The following SLC22A23 variants were observed in gnomAD, a reference collection of about 807,000 sequenced individuals.
SLC22A23 encodes ion transporter protein.
Under a neutral mutation model 61.0 loss-of-function variants are expected in SLC22A23, and 26 were observed. That is an observed-to-expected ratio of 0.43 (90% CI 0.31 to 0.59). The LOEUF is 0.59. Among genes scored for constraint, SLC22A23 ranks in the 20% least tolerant of loss-of-function variants. The probability of loss-of-function intolerance (pLI) is 0.11; values close to 1 mark genes in which losing one functional copy is unlikely to be tolerated. For missense variants in SLC22A23, 796 were observed against 934.7 expected (o/e 0.85, Z 1.94); for synonymous variants, 430 against 413.9 (o/e 1.04, Z -0.47).
Position 3,286,803 on chromosome 6 carries a change from T to G in SLC22A23, c.1546+56A>C. The G allele has an allele frequency of 6.9e-7, 1 of 1,447,890 alleles. No individual in the cohort carries two copies. Among genetic ancestry groups the G allele is most frequent in the Non-Finnish European group, 9.5e-7 (1 of 1,054,896 alleles). 89.7% of individuals were successfully genotyped at this position (1,447,890 alleles called of 1,614,324 possible). On this transcript the variant is annotated intron_variant, in intron 7 of 9. Coordinates refer to ENST00000406686, the MANE Select transcript of SLC22A23 (RefSeq NM_015482.2). The surrounding 1 kb of genome is among the most constrained non-coding windows in gnomAD (Gnocchi z 4.2). ...TCTTATGCAGCCCTTTCAAATGCCC[T>G]TGGGGATCTGCCAGCTTCCCTCCCT...
intron 1 of SLC22A23, among the ~76,000 whole-genome samples, chr6:3,437,544 T>C (rs1237053576): frequency 1.3e-5 from 2 of 150,532 alleles, no homozygotes; most frequent in Non-Finnish European, 3.0e-5. Flanking sequence ...AAAAAATTAG[T>C]CAGGTGTGGT....
In SLC22A23 at chr6:3,318,906, A is replaced by C. The variant is rs751379989; in HGVS notation, c.1082+4928T>G. Among the ~76,000 whole-genome samples the C allele has an allele frequency of 2.6e-5, 4 of 151,978 alleles. No individual in the cohort carries two copies. Among genetic ancestry groups the C allele is most frequent in the Non-Finnish European group, 4.4e-5 (3 of 67,988 alleles). ...CTCTCACCTTTGAGAGTCACCTCAGATCCATCAGCAAGTCTCACCAGGGCC... is the reference window on the plus strand; with the variant it reads ...CTCTCACCTTTGAGAGTCACCTCAGCTCCATCAGCAAGTCTCACCAGGGCC... On this transcript the variant is annotated intron_variant, in intron 4 of 9. Transcript: ENST00000406686. The surrounding 1 kb of genome is among the most constrained non-coding windows in gnomAD (Gnocchi z 4.3).
At chr6:3,441,888 C>T (rs537596569) in intron 1 of SLC22A23, among the ~76,000 whole-genome samples, 141 of 152,282 alleles carry the variant, frequency 9.3e-4, no homozygotes, top group Non-Finnish European at 9.0e-4. Context: ...AGGGACACCA[C>T]GCAAGCAGCT....
In SLC22A23 at chr6:3,272,902, G is replaced by A. The variant is rs1758565619; in HGVS notation, c.*153C>T. On this transcript the variant is annotated 3_prime_UTR_variant, in exon 10 of 10. Coordinates refer to ENST00000406686, the MANE Select transcript of SLC22A23 (RefSeq NM_015482.2). ...TGTCTCCTCCGACCCGCGCTCCTTG[G>A]ACTTTTGGAAAGACAGGATTTCCCC... The A allele has an allele frequency of 2.9e-6, 2 of 680,522 alleles. No homozygotes were observed. The highest frequency in any genetic ancestry group is 2.4e-6 in the Non-Finnish European group (1 of 413,178). The allele number at this position is 680,522 out of a possible 1,614,324, so 42.2% of individuals were successfully genotyped here. A position where few individuals can be genotyped will look rare whatever the true frequency, so the allele number is the denominator to read the frequency against.
intron 4 of SLC22A23, among the ~76,000 whole-genome samples, chr6:3,307,164 C>T (rs1335616404): frequency 6.6e-6 from 1 of 152,204 alleles, no homozygotes; most frequent in African/African-American, 2.4e-5. Flanking sequence ...TACTGACAAG[C>T]TGAGGGTAGG....
chr6:3,384,822 T>G (rs1217865601), intron 3 of SLC22A23, among the ~76,000 whole-genome samples: 1 of 152,138 alleles, frequency 6.6e-6, no homozygotes, highest in Non-Finnish European at 1.5e-5. Context: ...GTATTCACAA[T>G]AGCGAGAATG....
intron 3 of SLC22A23, among the ~76,000 whole-genome samples, chr6:3,345,936 C>T (rs1483953236): frequency 6.6e-6 from 1 of 152,148 alleles, no homozygotes; most frequent in African/African-American, 2.4e-5. Context: ...TGGTGTCTCC[C>T]GTTCTCCGAG....
At chr6:3,294,302 A>G (rs1021929792) in intron 5 of SLC22A23, among the ~76,000 whole-genome samples, 6 of 152,226 alleles carry the variant, frequency 3.9e-5, no homozygotes, top group African/African-American at 1.4e-4. Context: ...ATTGAGTTAC[A>G]TTACTACCAT....
chr6:3,392,406 T>C (rs1008309838), intron 3 of SLC22A23, among the ~76,000 whole-genome samples: 1 of 152,206 alleles, frequency 6.6e-6, no homozygotes, highest in Non-Finnish European at 1.5e-5. Flanking sequence ...CTTTCAGAAA[T>C]GAAGCTATTG....
chr6:3,430,209 C>T (rs923966007), intron 1 of SLC22A23, among the ~76,000 whole-genome samples: 3 of 152,286 alleles, frequency 2.0e-5, no homozygotes, highest in East Asian at 1.9e-4. Flanking sequence ...AGGTTATATT[C>T]GCGAGAAAAT....
rs74548854 is a variant in SLC22A23 at position 3,434,159 on chromosome 6, C to T, written c.655-18304G>A. On this transcript the variant is annotated intron_variant, in intron 1 of 9. Coordinates refer to ENST00000406686, the MANE Select transcript of SLC22A23 (RefSeq NM_015482.2). ...TGAAACCCCATCTCTACTAAAAATA[C>T]AAAATTAGCCAGGTGTGGTGGTGCA... 2.6e-5 allele frequency among the ~76,000 whole-genome samples: 4 copies of T among 151,930 alleles called. No homozygotes were observed. In the East Asian group the frequency reaches 7.7e-4, roughly 29 times the overall value.
At chr6:3,425,285 CT>C (rs33955202) in intron 1 of SLC22A23, among the ~76,000 whole-genome samples, 3,753 of 115,646 alleles carry the variant, frequency 0.032, 76 homozygotes, top group African/African-American at 0.12. Context: ...ATGAATAATT[CT>C]TTTTTTTTTT....
At chr6:3,402,550 C>T (rs1396771138) in intron 3 of SLC22A23, among the ~76,000 whole-genome samples, 1 of 97,912 alleles carries the variant, frequency 1.0e-5, no homozygotes, top group Non-Finnish European at 2.1e-5. Context: ...GGCTGCAGCC[C>T]ACTCCAATCA....
chr6:3,366,354 A>AAAAAAAAAG (rs1765830673), intron 3 of SLC22A23, among the ~76,000 whole-genome samples: 4 of 78,398 alleles, frequency 5.1e-5, no homozygotes, highest in African/African-American at 1.6e-4. Context: ...AAAAAAAAAA[A>AAAAAAAAAG]AAAGAAAGAA....
chr6:3,310,913 T>C (rs1283043574), intron 4 of SLC22A23, among the ~76,000 whole-genome samples: 1 of 152,236 alleles, frequency 6.6e-6, no homozygotes, highest in Non-Finnish European at 1.5e-5. Flanking sequence ...CCCATGCTTA[T>C]TAAATTAATT....
chr6:3,406,258 A>G (rs1768819092), intron 3 of SLC22A23, among the ~76,000 whole-genome samples: 1 of 152,184 alleles, frequency 6.6e-6, no homozygotes, highest in South Asian at 2.1e-4. Flanking sequence ...CCAACATCAA[A>G]TCAACTTAAA....
In SLC22A23 at chr6:3,271,095, A is replaced by G. The variant is rs113514018; in HGVS notation, c.*1960T>C. The G allele has an allele frequency of 1.6e-3, 239 of 152,554 alleles. 3 individuals carry two copies. The highest frequency in any genetic ancestry group is 5.5e-3 in the African/African-American group (228 of 41,584). 9.5% of individuals were successfully genotyped at this position (152,554 alleles called of 1,614,324 possible). A position where few individuals can be genotyped will look rare whatever the true frequency, so the allele number is the denominator to read the frequency against. On this transcript the variant is annotated 3_prime_UTR_variant, in exon 10 of 10. Transcript: ENST00000406686. ...GGGGTTTGTTGACAGGTGGCTTTAT[A>G]GCAAGTACTCCAAAAAAGGTAAAAG...
At position 3,297,130 on chromosome 6, in the gene SLC22A23, G is replaced by C. The variant is rs180708640; in HGVS notation, c.1210+961C>G. ...TGTGCCCCACCTGCCTGCAAGTTACGTGAGAGCAAGGCTTTGCCTGTGTCT... is the reference window on the plus strand; with the variant it reads ...TGTGCCCCACCTGCCTGCAAGTTACCTGAGAGCAAGGCTTTGCCTGTGTCT... On this transcript the variant is annotated intron_variant, in intron 5 of 9. Coordinates refer to ENST00000406686, the MANE Select transcript of SLC22A23 (RefSeq NM_015482.2). This position sits in a 1 kb window ranked among gnomAD's most constrained non-coding sequence, Gnocchi z 4.3. Among the ~76,000 whole-genome samples the C allele has an allele frequency of 2.0e-5, 3 of 152,208 alleles. No individual in the cohort carries two copies. The highest frequency in any genetic ancestry group is 4.4e-5 in the Non-Finnish European group (3 of 68,050).
At chr6:3,280,512 T>TTTTTTTTTTTTTTTTTTTTC (rs781526188) in intron 9 of SLC22A23, among the ~76,000 whole-genome samples, 1 of 98,330 alleles carries the variant, frequency 1.0e-5, no homozygotes, top group African/African-American at 3.6e-5. Flanking sequence ...TTTTTTTTTT[T>TTTTTTTTTTTTTTTTTTTTC]TGAGATGGAG....
Sources: gnomAD v4.1 joint callset for allele counts (sites outside exome capture counted in the v4.1 genomes callset) on GRCh38, gnomAD v4.1.1 for gene constraint, Gnocchi (gnomAD v3.1) non-coding constraint, MANE v1.5 for transcripts, NCBI Gene and HGNC (gene_info 2026-07-23, HGNC 2026-07-21) for gene names.